CAST: variants seen among roughly 807,000 people sequenced by gnomAD.
The protein encoded by CAST is MIR583 host.
CAST carries 76 observed loss-of-function variants against 119.6 expected under a neutral mutation model. The ratio of observed to expected loss-of-function variants is 0.64; its 90% CI spans 0.53 to 0.77. The LOEUF (loss-of-function observed/expected upper bound fraction) is 0.77, where lower values mean the gene tolerates loss of function less well. Ranked by LOEUF, CAST falls within the 30% of genes least tolerant of loss-of-function variation. The pLI is 0.00. For missense variants in CAST, 953 were observed against 946.5 expected, an observed-to-expected ratio of 1.01 and a Z score of -0.09; for synonymous variants, 319 against 331.6, an observed-to-expected ratio of 0.96 and a Z score of 0.41.
chr5:96,187,771 A>C, the CAST span, among the ~76,000 whole-genome samples: 1 of 152,206 alleles, frequency 6.6e-6, no homozygotes, highest in Non-Finnish European at 1.5e-5. Flanking sequence ...GAGGCTACCG[A>C]GCTTAAAAAC....
chr5:96,674,777 T>C (rs1750500124), intron 1 of CAST, among the ~76,000 whole-genome samples: 1 of 152,192 alleles, frequency 6.6e-6, no homozygotes, highest in Non-Finnish European at 1.5e-5. Context: ...AACAGTAATG[T>C]ATTATATACT....
intron 1 of CAST, among the ~76,000 whole-genome samples, chr5:96,651,381 A>T (rs139056274): frequency 7.2e-5 from 11 of 152,314 alleles, no homozygotes; most frequent in Non-Finnish European, 1.6e-4. Context: ...ATATCAGTCA[A>T]TGCTGGTTTT....
the CAST span, among the ~76,000 whole-genome samples, chr5:96,100,717 G>A: frequency 6.6e-6 from 1 of 152,118 alleles, no homozygotes; most frequent in Non-Finnish European, 1.5e-5. Context: ...CTCAGTATCT[G>A]TTGGGGGTTG....
chr5:96,297,561 C>T, the CAST span, among the ~76,000 whole-genome samples: 1 of 151,952 alleles, frequency 6.6e-6, no homozygotes, highest in Admixed American at 6.6e-5. Context: ...CTCTATCAAC[C>T]CATGGCACAT....
chr5:96,253,987 T>C, the CAST span, among the ~76,000 whole-genome samples: 1 of 151,966 alleles, frequency 6.6e-6, no homozygotes, highest in East Asian at 1.9e-4. Context: ...AAATTCACTT[T>C]TCTTTTGGCA....
the CAST span, among the ~76,000 whole-genome samples, chr5:96,101,586 ATTG>A: frequency 6.6e-6 from 1 of 152,214 alleles, no homozygotes; most frequent in East Asian, 1.9e-4. Context: ...CACCTGTACT[ATTG>A]TTGTAGGACT....
chr5:96,214,849 GA>G, the CAST span: 2 of 152,168 alleles, frequency 1.3e-5, no homozygotes, highest in Non-Finnish European at 2.9e-5. Context: ...CATAATCCAA[GA>G]AAAAGTCTTT....
the CAST span, among the ~76,000 whole-genome samples, chr5:96,284,604 T>A: frequency 1.3e-5 from 2 of 152,134 alleles, no homozygotes; most frequent in Non-Finnish European, 1.5e-5. Context: ...GCCTCCTTAT[T>A]GTGAGTGGAC....
chr5:96,621,018 C>G (rs1747594052), intron 1 of CAST, among the ~76,000 whole-genome samples: 1 of 152,202 alleles, frequency 6.6e-6, no homozygotes, highest in Non-Finnish European at 1.5e-5. Context: ...CTCTCCTCTT[C>G]TGAATCTTTT....
At chr5:96,740,464 T>C (rs1052526669) in intron 12 of CAST, among the ~76,000 whole-genome samples, 28 of 152,310 alleles carry the variant, frequency 1.8e-4, no homozygotes, top group African/African-American at 6.5e-4. Context: ...ACACACCGTC[T>C]TCCTTCTGTG....
chr5:96,161,734 T>G, the CAST span, among the ~76,000 whole-genome samples: 1 of 152,170 alleles, frequency 6.6e-6, no homozygotes, highest in South Asian at 2.1e-4. Flanking sequence ...AATATTAAGT[T>G]TTCTGATCTA....
At chr5:96,667,939 C>T (rs1164001883) in intron 1 of CAST, among the ~76,000 whole-genome samples, 2 of 152,162 alleles carry the variant, frequency 1.3e-5, no homozygotes, top group East Asian at 1.9e-4. Flanking sequence ...GGCGTGAACC[C>T]GCGAGGCGGA....
At chr5:96,107,472 T>G in the CAST span, among the ~76,000 whole-genome samples, 3 of 152,090 alleles carry the variant, frequency 2.0e-5, no homozygotes, top group Admixed American at 6.5e-5. Context: ...TTATTTCTCC[T>G]TCACTTATGA....
At chr5:96,051,468 T>G in the CAST span, among the ~76,000 whole-genome samples, 1 of 152,194 alleles carries the variant, frequency 6.6e-6, no homozygotes, top group African/African-American at 2.4e-5. Context: ...GCAGCTAGCC[T>G]GGGGCTGGGG....
chr5:96,106,707 G>T, the CAST span, among the ~76,000 whole-genome samples: 1 of 151,788 alleles, frequency 6.6e-6, no homozygotes, highest in Non-Finnish European at 1.5e-5. Flanking sequence ...CTATTGATTT[G>T]GGGTGGAGAG....
the CAST span, among the ~76,000 whole-genome samples, chr5:96,239,971 C>A: frequency 6.6e-6 from 1 of 151,950 alleles, no homozygotes; most frequent in African/African-American, 2.4e-5. Flanking sequence ...TGTAATTTAA[C>A]CTCATTTGAC....
chr5:96,551,081 T>A (rs561921882), intron 1 of CAST, among the ~76,000 whole-genome samples: 2 of 151,740 alleles, frequency 1.3e-5, no homozygotes, highest in South Asian at 4.2e-4. Context: ...ACAAAGATAC[T>A]CCTCGAGGAA....
the CAST span, among the ~76,000 whole-genome samples, chr5:96,348,703 G>T: frequency 6.6e-6 from 1 of 152,126 alleles, no homozygotes; most frequent in Non-Finnish European, 1.5e-5. Flanking sequence ...AGGACAGATG[G>T]TGTACAGAGG....
At chr5:96,183,012 G>T in the CAST span, among the ~76,000 whole-genome samples, 1 of 151,924 alleles carries the variant, frequency 6.6e-6, no homozygotes, top group Non-Finnish European at 1.5e-5. Context: ...GGTGGCAGGC[G>T]CCTGTAGTCC....
Sources: allele counts gnomAD v4.1 joint callset (sites outside exome capture counted in the v4.1 genomes callset), GRCh38; gene constraint gnomAD v4.1.1; transcripts MANE v1.5; gene names NCBI Gene and HGNC (gene_info 2026-07-23, HGNC 2026-07-21).